The following CNGA3 variants were observed in gnomAD, a reference collection of about 807,000 sequenced individuals.
The protein encoded by CNGA3 is cyclic nucleotide gated channel subunit alpha 3.
A neutral mutation model predicts 46.6 loss-of-function variants in CNGA3; 42 were observed. That is an observed-to-expected ratio of 0.90 (90% CI 0.70 to 1.17). The LOEUF (loss-of-function observed/expected upper bound fraction) is 1.17. Among genes scored for constraint, CNGA3 ranks in the 50% most tolerant of loss-of-function variants. The pLI is 0.00. For synonymous variants in CNGA3, 394 were observed against 369.4 expected (o/e 1.07, Z -0.76); for missense variants, 893 against 890.7 (o/e 1.00, Z -0.03).
At chr2:98,373,905 A>C (rs1692347580) in intron 2 of CNGA3, among the ~76,000 whole-genome samples, 2 of 152,208 alleles carry the variant, frequency 1.3e-5, no homozygotes, top group South Asian at 4.1e-4. Context: ...CAGAGCCCAA[A>C]GCAATTACCA....
chr2:98,374,863 T>C (rs1013756057), intron 2 of CNGA3, among the ~76,000 whole-genome samples: 11 of 152,264 alleles, frequency 7.2e-5, no homozygotes, highest in African/African-American at 1.7e-4. Flanking sequence ...ACTTGCATCA[T>C]GTAAGGATCT....
intron 1 of CNGA3, among the ~76,000 whole-genome samples, chr2:98,356,474 G>A (rs1285518031): frequency 6.6e-6 from 1 of 152,172 alleles, no homozygotes; most frequent in Non-Finnish European, 1.5e-5. Context: ...ATTTCGGCTT[G>A]TTTGCCATGG....
intron 1 of CNGA3, among the ~76,000 whole-genome samples, chr2:98,352,665 A>C (rs1346720852): frequency 6.6e-6 from 1 of 152,164 alleles, no homozygotes; most frequent in Non-Finnish European, 1.5e-5. Flanking sequence ...GACTGGGTAA[A>C]GCAGATTGCC....
At chr2:98,385,549 C>A (rs970896600) in intron 5 of CNGA3, among the ~76,000 whole-genome samples, 1 of 152,070 alleles carries the variant, frequency 6.6e-6, no homozygotes, top group African/African-American at 2.4e-5. Context: ...TCTTCCTAGG[C>A]ATATATATTG....
chr2:98,371,092 T>C (rs998760755), intron 2 of CNGA3, among the ~76,000 whole-genome samples: 2 of 152,222 alleles, frequency 1.3e-5, no homozygotes, highest in African/African-American at 2.4e-5. Context: ...CCCAAAGTGC[T>C]GGGATTACAG....
intron 4 of CNGA3, among the ~76,000 whole-genome samples, chr2:98,382,377 C>T (rs1167133103): frequency 2.6e-5 from 4 of 152,194 alleles, no homozygotes; most frequent in Non-Finnish European, 4.4e-5. Flanking sequence ...AATCCCACGG[C>T]GGTTCCAGTT....
intron 1 of CNGA3, among the ~76,000 whole-genome samples, chr2:98,347,356 C>G (rs1428232511): frequency 1.3e-5 from 2 of 152,208 alleles, no homozygotes; most frequent in Non-Finnish European, 2.9e-5. Context: ...AGGCGCCGGG[C>G]TCCCAGCCGT....
rs751611132 is a variant in CNGA3, at chr2:98,367,167, G to GTTTATTTTCCTTT, written c.-37-2769_-37-2768insATTTTCCTTTTTT. Among the ~76,000 whole-genome samples, 27 of 101,618 alleles carry GTTTATTTTCCTTT rather than the reference G, an allele frequency of 2.7e-4. 2 individuals are homozygous for GTTTATTTTCCTTT. The highest frequency in any genetic ancestry group is 4.0e-4 in the Non-Finnish European group (18 of 45,338). The allele number at this position is 101,618 out of a possible 152,430, so 66.7% of individuals were successfully genotyped here. On this transcript the variant is annotated intron_variant, in intron 1 of 7. Transcript: ENST00000272602. Reference sequence around the variant, plus strand: ...TTGGTGAGAACCTCTGACATCAGCTGTTTTTTTTCTTTTTTTTCTTTTTTT... The same window carrying GTTTATTTTCCTTT: ...TTGGTGAGAACCTCTGACATCAGCTGTTTATTTTCCTTTTTTTTTTTCTTTTTTTTCTTTTTTT...
At chr2:98,384,643 G>GTGTGAT (rs1558814851) in intron 5 of CNGA3, among the ~76,000 whole-genome samples, 1 of 152,180 alleles carries the variant, frequency 6.6e-6, no homozygotes, top group Non-Finnish European at 1.5e-5. Flanking sequence ...ATATGTGTTT[G>GTGTGAT]ACTTAAAGCC....
intron 4 of CNGA3, among the ~76,000 whole-genome samples, chr2:98,381,902 G>A (rs990062405): frequency 6.6e-6 from 1 of 152,030 alleles, no homozygotes; most frequent in African/African-American, 2.4e-5. Flanking sequence ...GAGGGAGGGG[G>A]GAAAAAGAAG....
intron 2 of CNGA3, among the ~76,000 whole-genome samples, chr2:98,373,308 A>C: frequency 6.6e-6 from 1 of 152,252 alleles, no homozygotes; most frequent in African/African-American, 2.4e-5. Context: ...GTGTTTGGAC[A>C]AGTCACACCT....
intron 7 of CNGA3, among the ~76,000 whole-genome samples, chr2:98,392,441 T>A (rs1192610749): frequency 6.6e-6 from 1 of 152,018 alleles, no homozygotes; most frequent in Non-Finnish European, 1.5e-5. Flanking sequence ...GTGCCTGTAA[T>A]CCCAGCTACT....
Position 98,381,713 on chromosome 2 carries a change from C to T in CNGA3, c.395+1359C>T, listed in dbSNP as rs576219463. On this transcript the variant is annotated intron_variant, in intron 4 of 7. Coordinates refer to ENST00000272602, the MANE Select transcript of CNGA3 (RefSeq NM_001298.3). ...TTTTCACACGAGCTTGGACTGCAAA[C>T]GCTTGGGTTTCCTGGGCTGGGGGAA... 5.9e-5 allele frequency among the ~76,000 whole-genome samples: 9 copies of T among 152,224 alleles called. 1 individual carries two copies. The highest frequency in any genetic ancestry group is 7.2e-5 in the African/African-American group (3 of 41,532).
At chr2:98,366,316 A>G (rs923450353) in intron 1 of CNGA3, among the ~76,000 whole-genome samples, 1 of 152,220 alleles carries the variant, frequency 6.6e-6, no homozygotes, top group East Asian at 1.9e-4. Context: ...TGATGCCGGC[A>G]AGAACGTGCC....
In CNGA3 at chr2:98,397,428, TG is replaced by T. The variant is rs1377378147; in HGVS notation, c.*174del. 1 of 696,256 alleles carries T rather than the reference TG, an allele frequency of 1.4e-6. No homozygotes were observed. The highest frequency in any genetic ancestry group is 2.5e-6 in the Non-Finnish European group (1 of 405,610). 43.1% of individuals were successfully genotyped at this position (696,256 alleles called of 1,614,324 possible). ...TCTTCACCTAAAAAATGGGACTTTT[TG>T]TCTCAGTCCCAGTGAAGTGCCAGGT... On this transcript the variant is annotated 3_prime_UTR_variant, in exon 8 of 8. Coordinates refer to ENST00000272602, the MANE Select transcript of CNGA3 (RefSeq NM_001298.3).
intron 1 of CNGA3, among the ~76,000 whole-genome samples, chr2:98,360,598 AT>A (rs1488412672): frequency 6.6e-6 from 1 of 152,254 alleles, no homozygotes; most frequent in Non-Finnish European, 1.5e-5. Context: ...TAAGTGCTCA[AT>A]TAAAAAGTGT....
chr2:98,379,158 G>A (rs1307097657), intron 3 of CNGA3, among the ~76,000 whole-genome samples: 1 of 152,224 alleles, frequency 6.6e-6, no homozygotes, highest in Non-Finnish European at 1.5e-5. Flanking sequence ...GGGCTTGGCA[G>A]ATACCTCCAA....
chr2:98,381,225 G>A (rs568238895), intron 4 of CNGA3, among the ~76,000 whole-genome samples: 2 of 152,252 alleles, frequency 1.3e-5, no homozygotes, highest in Admixed American at 6.5e-5. Context: ...GAGGCAAGAC[G>A]TTGAGGGGAA....
At chr2:98,391,038 C>G (rs575303213) in intron 6 of CNGA3, among the ~76,000 whole-genome samples, 3 of 152,308 alleles carry the variant, frequency 2.0e-5, no homozygotes, top group Admixed American at 6.5e-5. Context: ...CCTGAGCAAG[C>G]CTGCAAGACA....
Sources: allele counts gnomAD v4.1 joint callset (sites outside exome capture counted in the v4.1 genomes callset), GRCh38; gene constraint gnomAD v4.1.1; transcripts MANE v1.5; gene names NCBI Gene and HGNC (gene_info 2026-07-23, HGNC 2026-07-21).